The following AMMECR1 variants were observed in gnomAD, a reference collection of about 807,000 sequenced individuals.
AMMECR1 encodes AMMECR nuclear protein 1.
Under a neutral mutation model 22.5 loss-of-function variants are expected in AMMECR1, and 3 were observed. That is an observed-to-expected ratio of 0.13 (90% CI 0.06 to 0.35). The LOEUF is 0.35. Ranked by LOEUF, AMMECR1 falls within the 10% of genes least tolerant of loss-of-function variation. The probability of loss-of-function intolerance (pLI) is 1.00; values close to 1 mark genes in which losing one functional copy is unlikely to be tolerated. For synonymous variants in AMMECR1, 130 were observed against 116.7 expected (o/e 1.11, Z -0.74); for missense variants, 235 against 278.7 (o/e 0.84, Z 1.12).
At chrX:110,288,818 G>A (rs2067893721) in intron 1 of AMMECR1, among the ~76,000 whole-genome samples, 1 of 112,055 alleles carries the variant, frequency 8.9e-6, no homozygotes, top group Non-Finnish European at 1.9e-5. Flanking sequence ...CTTCAATAAT[G>A]ACTCTGATTT....
intron 2 of AMMECR1, among the ~76,000 whole-genome samples, chrX:110,366,534 G>A (rs1435104715): frequency 2.7e-5 from 3 of 111,549 alleles, no homozygotes; most frequent in Non-Finnish European, 3.8e-5. Flanking sequence ...AAAGTTAAGA[G>A]AACAATTACG....
At chrX:110,239,487 C>A (rs1425186613) in intron 2 of AMMECR1, among the ~76,000 whole-genome samples, 2 of 110,531 alleles carry the variant, frequency 1.8e-5, no homozygotes, top group Non-Finnish European at 1.9e-5. Flanking sequence ...AGCATGAAGA[C>A]AAGATTAGAG....
At chrX:110,269,175 G>T (rs1293446935) in intron 1 of AMMECR1, among the ~76,000 whole-genome samples, 2 of 111,753 alleles carry the variant, frequency 1.8e-5, no homozygotes, top group African/African-American at 6.5e-5. Flanking sequence ...CATACAATCA[G>T]CAAAAGTACG....
intron 1 of AMMECR1, among the ~76,000 whole-genome samples, chrX:110,270,924 T>C (rs917578509): frequency 3.6e-5 from 4 of 111,996 alleles, no homozygotes; most frequent in African/African-American, 9.7e-5. Flanking sequence ...ACTCCTCAGC[T>C]AGGTATTGAT....
At chrX:110,321,985 C>T (rs962922734), upstream of AMMECR1, among the ~76,000 whole-genome samples, 6 of 112,273 alleles carry the variant, frequency 5.3e-5, no homozygotes, top group Admixed American at 1.9e-4. Flanking sequence ...AATTCAAATT[C>T]GTAAATCAGT....
chrX:110,234,621 C>A (rs1334799988), intron 2 of AMMECR1, among the ~76,000 whole-genome samples: 3 of 111,731 alleles, frequency 2.7e-5, no homozygotes, highest in African/African-American at 9.8e-5. Flanking sequence ...GGTACTGGTA[C>A]CAAAACAGAG....
At chrX:110,386,019 C>G (rs932943635) in intron 2 of AMMECR1, among the ~76,000 whole-genome samples, 14 of 112,120 alleles carry the variant, frequency 1.2e-4, no homozygotes, top group Admixed American at 1.2e-3. Context: ...TTTTGTTTTT[C>G]CATTTATCAG....
intron 2 of AMMECR1, among the ~76,000 whole-genome samples, chrX:110,349,375 G>C (rs1280174384): frequency 9.0e-6 from 1 of 111,502 alleles, no homozygotes; most frequent in African/African-American, 3.3e-5. Flanking sequence ...TGTGGTGCAG[G>C]CCTTCTTCCT....
chrX:110,409,342 T>C (rs753664838), intron 2 of AMMECR1, among the ~76,000 whole-genome samples: 1 of 111,579 alleles, frequency 9.0e-6, no homozygotes, highest in East Asian at 2.8e-4. Context: ...TGAGACATGC[T>C]GGAGCCAAGG....
chrX:110,357,168 T>G (rs1040986333), intron 2 of AMMECR1, among the ~76,000 whole-genome samples: 4 of 111,831 alleles, frequency 3.6e-5, no homozygotes, highest in African/African-American at 1.3e-4. Context: ...TTTTGAAAGA[T>G]TTAAATGAAA....
At chrX:110,389,533 C>T (rs181843363) in intron 2 of AMMECR1, among the ~76,000 whole-genome samples, 1 of 112,039 alleles carries the variant, frequency 8.9e-6, no homozygotes, top group Admixed American at 9.4e-5. Context: ...GTAGCTCCAC[C>T]CAAAATAAGT....
intron 2 of AMMECR1, among the ~76,000 whole-genome samples, chrX:110,342,521 G>T (rs184877432): frequency 9.0e-6 from 1 of 110,841 alleles, no homozygotes; most frequent in Non-Finnish European, 1.9e-5. Context: ...ACAGGCACAC[G>T]CCACCACGCC....
At chrX:110,355,880 C>T (rs188112362) in intron 2 of AMMECR1, among the ~76,000 whole-genome samples, 47 of 111,430 alleles carry the variant, frequency 4.2e-4, no homozygotes, top group South Asian at 7.6e-4. Context: ...TACCTATACA[C>T]GATGGAATAC....
At chrX:110,318,090 A>G, upstream of AMMECR1, 1 of 1,167,342 alleles carries the variant, frequency 8.6e-7, no homozygotes, top group Non-Finnish European at 1.1e-6. Context: ...AGTCTCCCCC[A>G]CGCAGCGTTT....
At chrX:110,295,280 A>AT (rs2067929722) in intron 1 of AMMECR1, among the ~76,000 whole-genome samples, 1 of 111,326 alleles carries the variant, frequency 9.0e-6, no homozygotes, top group Non-Finnish European at 1.9e-5. Flanking sequence ...TATTAAAGAT[A>AT]TTAATTTTAA....
intron 2 of AMMECR1, among the ~76,000 whole-genome samples, chrX:110,250,733 T>A (rs1432280338): frequency 8.9e-6 from 1 of 111,935 alleles, no homozygotes; most frequent in Non-Finnish European, 1.9e-5. Context: ...GACTTCCAAG[T>A]CTACAGAGAT....
chrX:110,229,043 C>T (rs947866491), intron 2 of AMMECR1, among the ~76,000 whole-genome samples: 1 of 112,336 alleles, frequency 8.9e-6, no homozygotes, highest in African/African-American at 3.2e-5. Flanking sequence ...TCTCAACATT[C>T]GTTTTCAAGT....
chrX:110,347,115 G>T (rs2068193748), intron 2 of AMMECR1, among the ~76,000 whole-genome samples: 1 of 113,116 alleles, frequency 8.8e-6, no homozygotes, highest in Non-Finnish European at 1.9e-5. Flanking sequence ...TTTCTTCAAT[G>T]AATGAATAAT....
Position 110,198,541 on chromosome X carries a change from C to A in AMMECR1, c.981G>T (p.Pro327=). ...AGTGTCAGGAATAATGGTTGTATGG[C>A]GGAAGGGGATGCCCAATGCCATTTT... The part of the protein sequence containing the change: ...HFQNGIGHPL[P]PYNHYS Residue 327 remains proline (P), a synonymous_variant, in exon 6 of 6, where the codon CCG becomes CCT. Transcript: ENST00000262844. 1 of 1,189,723 alleles carries A rather than the reference C, an allele frequency of 8.4e-7. No homozygotes were observed. Among genetic ancestry groups the A allele is most frequent in the Non-Finnish European group, 1.1e-6 (1 of 883,122 alleles).
Sources: allele counts gnomAD v4.1 joint callset (sites outside exome capture counted in the v4.1 genomes callset), GRCh38; gene constraint gnomAD v4.1.1; transcripts MANE v1.5; gene names NCBI Gene and HGNC (gene_info 2026-07-23, HGNC 2026-07-21).